Variants in CNTN5 observed in about 807,000 individuals in gnomAD.
The protein encoded by CNTN5 is contactin-5.
CNTN5 carries 77 observed loss-of-function variants against 129.1 expected under a neutral mutation model. The ratio of observed to expected loss-of-function variants is 0.60; its 90% CI spans 0.50 to 0.72. CNTN5 has a LOEUF of 0.72. Among genes scored for constraint, CNTN5 ranks in the 30% least tolerant of loss-of-function variants. The pLI, the probability that CNTN5 is intolerant of heterozygous loss-of-function variation, is 0.00. For missense variants in CNTN5, 1,478 were observed against 1,328.8 expected, an observed-to-expected ratio of 1.11 and a Z score of -1.75; for synonymous variants, 509 against 465.6, an observed-to-expected ratio of 1.09 and a Z score of -1.20.
At chr11:99,100,990 A>T (rs1866704913) in intron 1 of CNTN5, among the ~76,000 whole-genome samples, 1 of 152,172 alleles carries the variant, frequency 6.6e-6, no homozygotes, top group South Asian at 2.1e-4. Context: ...GGCAGACCTG[A>T]GCCTGGGTAA....
intron 3 of CNTN5, among the ~76,000 whole-genome samples, chr11:99,608,644 C>T (rs962438812): frequency 1.3e-5 from 2 of 152,110 alleles, no homozygotes; most frequent in Admixed American, 6.6e-5. Flanking sequence ...AGAGAGACCC[C>T]AGATCAGATT....
intron 3 of CNTN5, among the ~76,000 whole-genome samples, chr11:99,770,850 G>A (rs1009732214): frequency 4.6e-5 from 7 of 151,934 alleles, no homozygotes; most frequent in Non-Finnish European, 8.8e-5. Context: ...AATAGCCAAA[G>A]CAATTTTGAG....
intron 3 of CNTN5, among the ~76,000 whole-genome samples, chr11:99,586,921 G>A (rs560844551): frequency 1.3e-5 from 2 of 152,196 alleles, no homozygotes; most frequent in Non-Finnish European, 2.9e-5. Flanking sequence ...ATCCAGGAAC[G>A]TTAATGCACC....
Position 99,291,872 on chromosome 11 carries a change from A to G in CNTN5, c.-209-33474A>G, listed in dbSNP as rs193111192. Among the ~76,000 whole-genome samples, 701 of 152,212 alleles carry G rather than the reference A, an allele frequency of 4.6e-3. 7 individuals are homozygous for G. The highest frequency in any genetic ancestry group is 0.016 in the African/African-American group (666 of 41,576). Reference sequence around the variant, plus strand: ...CTGAAGATATATTCATACAAAGAAAAAAAAGCAGGTGAGAAGAAAGAATGC... The same window carrying G: ...CTGAAGATATATTCATACAAAGAAAGAAAAGCAGGTGAGAAGAAAGAATGC... On this transcript the variant is annotated intron_variant, in intron 1 of 24. Transcript: ENST00000524871.
chr11:100,026,744 AGTTTT>A (rs1421966267), intron 9 of CNTN5, among the ~76,000 whole-genome samples: 1 of 151,864 alleles, frequency 6.6e-6, no homozygotes, highest in East Asian at 1.9e-4. Context: ...CTTATTGTTT[AGTTTT>A]AAGAGTCCCT....
rs903254965 is a variant in CNTN5, at chr11:99,564,074, T to G, written c.55+7805T>G. On this transcript the variant is annotated intron_variant, in intron 3 of 24. Coordinates refer to ENST00000524871, the MANE Select transcript of CNTN5 (RefSeq NM_014361.4). ...TCACATGCAAATAGAAGCAATTCTG[T>G]TTTTTTTAAAATTTACTTATTTATT... 1.7e-4 allele frequency among the ~76,000 whole-genome samples: 26 copies of G among 151,848 alleles called. No homozygotes were observed. The East Asian group carries it at 1.7e-3, about 10-fold the overall frequency.
chr11:99,109,339 T>TG (rs1857673173), intron 1 of CNTN5, among the ~76,000 whole-genome samples: 1 of 152,138 alleles, frequency 6.6e-6, no homozygotes, highest in Middle Eastern at 3.2e-3. Context: ...AAATTATATG[T>TG]GTAGAACTCC....
intron 3 of CNTN5, among the ~76,000 whole-genome samples, chr11:99,654,936 G>A (rs925311111): frequency 2.0e-5 from 3 of 152,048 alleles, no homozygotes; most frequent in African/African-American, 7.2e-5. Flanking sequence ...GAGGAGATGG[G>A]AGGACACATC....
intron 21 of CNTN5, among the ~76,000 whole-genome samples, chr11:100,328,554 G>A (rs1372636313): frequency 2.6e-5 from 4 of 152,156 alleles, no homozygotes; most frequent in Non-Finnish European, 5.9e-5. Context: ...TACATAGCCA[G>A]AGAAGAAGGA....
chr11:99,139,200 G>C (rs533463666), intron 1 of CNTN5, among the ~76,000 whole-genome samples: 16 of 151,644 alleles, frequency 1.1e-4, no homozygotes, highest in African/African-American at 3.4e-4. Flanking sequence ...CTGGGAGGTG[G>C]AGATTGCAGT....
At chr11:100,306,433 C>A (rs1951351381) in intron 20 of CNTN5, among the ~76,000 whole-genome samples, 1 of 151,658 alleles carries the variant, frequency 6.6e-6, no homozygotes. Flanking sequence ...TATCCCCCTG[C>A]AATCTTCTTT....
chr11:99,319,222 T>C (rs1464661940), intron 1 of CNTN5, among the ~76,000 whole-genome samples: 2 of 152,232 alleles, frequency 1.3e-5, no homozygotes, highest in African/African-American at 2.4e-5. Context: ...ACTGTTATCA[T>C]TGGTATTTAC....
chr11:100,308,736 G>A (rs1951409344), intron 21 of CNTN5: 2 of 1,051,028 alleles, frequency 1.9e-6, no homozygotes, highest in Middle Eastern at 4.4e-4. Flanking sequence ...GGAGCTACAG[G>A]TAGATATTTA....
chr11:99,662,281 GGATT>G (rs1565401596), intron 3 of CNTN5, among the ~76,000 whole-genome samples: 2 of 151,982 alleles, frequency 1.3e-5, no homozygotes, highest in African/African-American at 4.8e-5. Flanking sequence ...TAATAAGGGG[GGATT>G]GATTAGGAAT....
intron 1 of CNTN5, among the ~76,000 whole-genome samples, chr11:99,168,865 C>T (rs1466960568): frequency 6.6e-6 from 1 of 152,190 alleles, no homozygotes; most frequent in African/African-American, 2.4e-5. Context: ...GAACATAGCA[C>T]TGAATTCTAA....
intron 13 of CNTN5, among the ~76,000 whole-genome samples, chr11:100,160,066 C>T (rs1004329384): frequency 1.3e-5 from 2 of 151,892 alleles, no homozygotes; most frequent in South Asian, 2.1e-4. Context: ...GCTATTCCCT[C>T]CCCTAGCCCC....
intron 13 of CNTN5, among the ~76,000 whole-genome samples, chr11:100,171,853 A>G (rs1265966744): frequency 6.6e-6 from 1 of 152,038 alleles, no homozygotes; most frequent in Non-Finnish European, 1.5e-5. Context: ...AAAGAAAAAA[A>G]AACCTCTAAT....
At chr11:99,256,828 T>A (rs1489756412) in intron 1 of CNTN5, among the ~76,000 whole-genome samples, 1 of 152,076 alleles carries the variant, frequency 6.6e-6, no homozygotes, top group Non-Finnish European at 1.5e-5. Context: ...TGTGTTTCTG[T>A]GGTTTTATAA....
chr11:99,814,182 A>G (rs1946513419), intron 3 of CNTN5, among the ~76,000 whole-genome samples: 1 of 152,148 alleles, frequency 6.6e-6, no homozygotes. Flanking sequence ...AAATACAGGG[A>G]TTGGCCTTTA....
Sources: allele counts gnomAD v4.1 joint callset (sites outside exome capture counted in the v4.1 genomes callset), GRCh38; gene constraint gnomAD v4.1.1; transcripts MANE v1.5; gene names NCBI Gene and HGNC (gene_info 2026-07-23, HGNC 2026-07-21).